The following ATXN7 variants were observed in gnomAD, a reference collection of about 807,000 sequenced individuals.
The protein encoded by ATXN7 is ataxin-7.
A neutral mutation model predicts 70.5 loss-of-function variants in ATXN7; 12 were observed. The ratio of observed to expected loss-of-function variants is 0.17; its 90% CI spans 0.11 to 0.28. The LOEUF (loss-of-function observed/expected upper bound fraction) is 0.28. ATXN7 is among the 10% of genes least tolerant of loss of function. ATXN7 has a pLI of 1.00. For synonymous variants in ATXN7, 498 were observed against 448.7 expected, an observed-to-expected ratio of 1.11 and a Z score of -1.39; for missense variants, 1,256 against 1,131.7, an observed-to-expected ratio of 1.11 and a Z score of -1.58.
chr3:63,972,980 T>C (rs1383324110), intron 5 of ATXN7, among the ~76,000 whole-genome samples: 1 of 152,204 alleles, frequency 6.6e-6, no homozygotes, highest in Non-Finnish European at 1.5e-5. Flanking sequence ...TATGTGCTGA[T>C]GTGTTCCCAG....
intron 1 of ATXN7, among the ~76,000 whole-genome samples, chr3:63,894,214 C>G (rs1166645540): frequency 6.6e-6 from 1 of 152,196 alleles, no homozygotes; most frequent in East Asian, 1.9e-4. Flanking sequence ...CAGCTTCATT[C>G]AGTTATCCCC....
At chr3:63,997,826 T>C in intron 12 of ATXN7, 9 of 1,451,892 alleles carry the variant, frequency 6.2e-6, no homozygotes, top group Non-Finnish European at 8.1e-6. Flanking sequence ...TTTCCTCTAA[T>C]ATTTGGGTGA....
intron 5 of ATXN7, among the ~76,000 whole-genome samples, chr3:63,965,271 C>T (rs1047678737): frequency 3.9e-5 from 6 of 152,164 alleles, no homozygotes; most frequent in African/African-American, 1.4e-4. Context: ...CAAATTTACT[C>T]CTCACCCCAG....
At chr3:63,914,525 T>C (rs566352848) in intron 4 of ATXN7, among the ~76,000 whole-genome samples, 1 of 152,330 alleles carries the variant, frequency 6.6e-6, no homozygotes, top group East Asian at 1.9e-4. Context: ...TAGTGCTGAA[T>C]TGGCAGCCTG....
chr3:63,940,599 TTATGTGTACACTCTGCTTACTGTG>T (rs1311086040), intron 4 of ATXN7, among the ~76,000 whole-genome samples: 4 of 152,162 alleles, frequency 2.6e-5, no homozygotes, highest in Non-Finnish European at 5.9e-5. Context: ...TATCGAGCCC[TTATGTGTACACTCTGCTTACTGTG>T]TTTAGACAGA....
chr3:63,982,073 C>A (rs1432281720), intron 6 of ATXN7, 113 bp from the exon 7 acceptor site: 2 of 1,386,710 alleles, frequency 1.4e-6, no homozygotes, highest in Non-Finnish European at 2.0e-6. Context: ...AGAGGCTGGC[C>A]CTGTGCAGCG....
At chr3:63,879,594 C>T (rs369737420) in intron 1 of ATXN7, among the ~76,000 whole-genome samples, 3 of 151,086 alleles carry the variant, frequency 2.0e-5, no homozygotes, top group South Asian at 2.1e-4. Flanking sequence ...TGGGTTCAAG[C>T]GATTCTCCTG....
At chr3:63,982,119 G>A in intron 6 of ATXN7, 67 bp from the exon 7 acceptor site, 3 of 1,603,004 alleles carry the variant, frequency 1.9e-6, no homozygotes, top group South Asian at 1.1e-5. Context: ...CATCCCTCTG[G>A]CTCACCATTC....
At chr3:63,948,807 C>T (rs1375573984) in intron 4 of ATXN7, among the ~76,000 whole-genome samples, 1 of 152,132 alleles carries the variant, frequency 6.6e-6, no homozygotes, top group Non-Finnish European at 1.5e-5. Context: ...TGCTGGCCCA[C>T]TCACTAATTG....
At chr3:63,899,493 T>C (rs1477311308) in intron 2 of ATXN7, among the ~76,000 whole-genome samples, 4 of 152,080 alleles carry the variant, frequency 2.6e-5, no homozygotes, top group Admixed American at 1.3e-4. Flanking sequence ...CAAAAAGGGC[T>C]GAGTACAGTG....
chr3:63,872,519 T>C (rs1351447208), intron 1 of ATXN7, among the ~76,000 whole-genome samples: 1 of 152,034 alleles, frequency 6.6e-6, no homozygotes, highest in Non-Finnish European at 1.5e-5. Context: ...TCCAGGAGGG[T>C]GAGAACTGCA....
chr3:63,868,589 A>C (rs1218476737), intron 1 of ATXN7, among the ~76,000 whole-genome samples: 1 of 152,194 alleles, frequency 6.6e-6, no homozygotes, highest in Non-Finnish European at 1.5e-5. Context: ...GTTAGGATTG[A>C]GTGGTCCCCA....
At chr3:63,997,215 G>A (rs571964624) in intron 12 of ATXN7, among the ~76,000 whole-genome samples, 2 of 152,114 alleles carry the variant, frequency 1.3e-5, no homozygotes, top group African/African-American at 4.8e-5. Flanking sequence ...CCAAGATCGC[G>A]CCACTGCACT....
At chr3:63,869,714 C>A (rs913877416) in intron 1 of ATXN7, among the ~76,000 whole-genome samples, 2 of 152,152 alleles carry the variant, frequency 1.3e-5, no homozygotes, top group Non-Finnish European at 1.5e-5. Context: ...TGTGAGCTAC[C>A]GCACCCTGCT....
intron 4 of ATXN7, among the ~76,000 whole-genome samples, chr3:63,940,277 A>G (rs1411044240): frequency 7.1e-6 from 1 of 141,450 alleles, no homozygotes; most frequent in African/African-American, 2.7e-5. Flanking sequence ...CATTGAGGCC[A>G]TGCCCCATCA....
intron 4 of ATXN7, among the ~76,000 whole-genome samples, chr3:63,934,446 C>A (rs2074620495): frequency 6.6e-6 from 1 of 151,944 alleles, no homozygotes; most frequent in Non-Finnish European, 1.5e-5. Context: ...CTACTTCTTT[C>A]CAGAGATCAA....
At chr3:63,903,400 A>AG (rs1315526618) in intron 2 of ATXN7, among the ~76,000 whole-genome samples, 1 of 151,704 alleles carries the variant, frequency 6.6e-6, no homozygotes, top group African/African-American at 2.4e-5. Flanking sequence ...AAAAAAAAAA[A>AG]AAAAAAAAAG....
At chr3:63,983,068 G>GTGAC in intron 8 of ATXN7, 47 bp downstream of exon 8, 1 of 1,448,290 alleles carries the variant, frequency 6.9e-7, no homozygotes, top group Non-Finnish European at 9.7e-7. Flanking sequence ...ATAAACATGG[G>GTGAC]TGACTGGGAT....
chr3:63,928,103 G>T, intron 4 of ATXN7, among the ~76,000 whole-genome samples: 1 of 152,126 alleles, frequency 6.6e-6, no homozygotes, highest in East Asian at 1.9e-4. Context: ...ATTTCACAAA[G>T]ATCCTCTTTT....
Sources: allele counts gnomAD v4.1 joint callset (sites outside exome capture counted in the v4.1 genomes callset), GRCh38; gene constraint gnomAD v4.1.1; transcripts MANE v1.5; gene names NCBI Gene and HGNC (gene_info 2026-07-23, HGNC 2026-07-21).